Variants in CRACD observed in about 807,000 individuals in gnomAD.
CRACD encodes the protein capping protein inhibiting regulator of actin dynamics.
Under a neutral mutation model 106.8 loss-of-function variants are expected in CRACD, and 56 were observed. That is an observed-to-expected ratio of 0.52 (90% confidence interval 0.42 to 0.66). CRACD has a LOEUF of 0.66. Ranked by LOEUF, CRACD falls within the 30% of genes least tolerant of loss-of-function variation. The pLI is 0.00. For synonymous variants in CRACD, 754 were observed against 670.8 expected (o/e 1.12, Z -1.92); for missense variants, 1,730 against 1,623.2 (o/e 1.07, Z -1.13).
chr4:56,154,565 T>C (rs1735705135), intron 1 of CRACD, among the ~76,000 whole-genome samples: 1 of 152,152 alleles, frequency 6.6e-6, no homozygotes, highest in African/African-American at 2.4e-5. Context: ...GAAAACAGAA[T>C]CTGTGAGAAT....
intron 1 of CRACD, among the ~76,000 whole-genome samples, chr4:56,127,847 C>G (rs1663152338): frequency 1.3e-5 from 2 of 152,164 alleles, no homozygotes; most frequent in Admixed American, 1.3e-4. Flanking sequence ...TATGGAAAGC[C>G]TCATTAAATC....
chr4:56,079,053 A>G (rs1732936935), intron 1 of CRACD, among the ~76,000 whole-genome samples: 2 of 152,166 alleles, frequency 1.3e-5, no homozygotes, highest in Admixed American at 1.3e-4. Context: ...TGAGCAAGGG[A>G]TGTTCAGGAA....
At chr4:56,152,809 G>A (rs1202473353) in intron 1 of CRACD, among the ~76,000 whole-genome samples, 4 of 152,084 alleles carry the variant, frequency 2.6e-5, no homozygotes, top group Admixed American at 6.6e-5. Flanking sequence ...TTACTTTCTG[G>A]CACTGACATC....
At chr4:56,263,855 G>C (rs896631160) in intron 2 of CRACD, among the ~76,000 whole-genome samples, 1 of 152,114 alleles carries the variant, frequency 6.6e-6, no homozygotes, top group African/African-American at 2.4e-5. Flanking sequence ...AAGGACATAG[G>C]TCTTGAAGAA....
chr4:56,159,179 C>A (rs547640271), intron 1 of CRACD, among the ~76,000 whole-genome samples: 1 of 152,348 alleles, frequency 6.6e-6, no homozygotes, highest in East Asian at 1.9e-4. Context: ...CAGGGGAAAA[C>A]ATTCTAGCAC....
chr4:56,162,818 T>C (rs1176160066), intron 1 of CRACD, among the ~76,000 whole-genome samples: 1 of 152,152 alleles, frequency 6.6e-6, no homozygotes, highest in Non-Finnish European at 1.5e-5. Context: ...AAAATGTTGT[T>C]TAATTTGTTG....
intron 1 of CRACD, among the ~76,000 whole-genome samples, chr4:56,100,624 G>C (rs1376030238): frequency 6.6e-6 from 1 of 152,172 alleles, no homozygotes; most frequent in Non-Finnish European, 1.5e-5. Flanking sequence ...GTAATTAAGT[G>C]AAAGTGGGAT....
chr4:56,296,929 T>G (rs1246291264), intron 3 of CRACD, among the ~76,000 whole-genome samples: 1 of 151,210 alleles, frequency 6.6e-6, no homozygotes, highest in African/African-American at 2.4e-5. Flanking sequence ...TGTTTTTTTT[T>G]TTTTTTGAGA....
intron 4 of CRACD, among the ~76,000 whole-genome samples, chr4:56,302,220 T>C (rs1744408992): frequency 6.6e-6 from 1 of 152,192 alleles, no homozygotes; most frequent in Non-Finnish European, 1.5e-5. Context: ...ATGGAGCGGC[T>C]TCAGAAGCTT....
chr4:56,301,284 C>T lies in CRACD; in HGVS notation c.120+2935C>T, dbSNP rs116644572. The T allele has an allele frequency of 1.3e-3, 1,672 of 1,257,386 alleles. 18 individuals are homozygous for T. In the African/African-American group the frequency reaches 0.023, roughly 17 times the overall value. The allele number at this position is 1,257,386 out of a possible 1,614,324, so 77.9% of individuals were successfully genotyped here. A position where few individuals can be genotyped will look rare whatever the true frequency, so the allele number is the denominator to read the frequency against. ...AAGTGATAGTAACTTTATTAACTTG[C>T]ATGAATGCTTTGCATTTTTCCATGA... On this transcript the variant is annotated intron_variant, in intron 4 of 10. Transcript: ENST00000682029.
chr4:56,218,076 C>A (rs894836313), intron 2 of CRACD, among the ~76,000 whole-genome samples: 5 of 152,122 alleles, frequency 3.3e-5, no homozygotes, highest in African/African-American at 9.7e-5. Context: ...CCCAATTTCC[C>A]CTTTTTACAA....
chr4:56,204,931 G>T (rs1000368427), intron 2 of CRACD, among the ~76,000 whole-genome samples: 6 of 151,744 alleles, frequency 4.0e-5, no homozygotes, highest in Admixed American at 1.3e-4. Flanking sequence ...AGGCCGAGGC[G>T]GGAGGATCCT....
intron 2 of CRACD, among the ~76,000 whole-genome samples, chr4:56,210,631 A>G (rs538519774): frequency 6.6e-6 from 1 of 152,380 alleles, no homozygotes; most frequent in South Asian, 2.1e-4. Flanking sequence ...TTAGGTAAAC[A>G]TTAATCCATT....
At chr4:56,099,259 A>AC (rs750211755) in intron 1 of CRACD, among the ~76,000 whole-genome samples, 1 of 152,190 alleles carries the variant, frequency 6.6e-6, no homozygotes, top group Non-Finnish European at 1.5e-5. Flanking sequence ...TTATTCAGGT[A>AC]CAATTTTGGG....
intron 3 of CRACD, among the ~76,000 whole-genome samples, chr4:56,274,817 A>G (rs1742585347): frequency 6.6e-6 from 1 of 152,246 alleles, no homozygotes; most frequent in African/African-American, 2.4e-5. Flanking sequence ...TTTTACCATA[A>G]AGCCACACGC....
chr4:56,200,724 C>G (rs1320114121), intron 2 of CRACD, among the ~76,000 whole-genome samples: 1 of 152,124 alleles, frequency 6.6e-6, no homozygotes, highest in Non-Finnish European at 1.5e-5. Context: ...GTTTTAGGCT[C>G]ACAGCAAAAT....
At chr4:56,245,493 T>G (rs9992300) in intron 2 of CRACD, among the ~76,000 whole-genome samples, 31,447 of 152,202 alleles carry the variant, frequency 0.21, 3,688 homozygotes, top group Non-Finnish European at 0.26. Context: ...AAGCCTTTGG[T>G]ACGTTCAGTT....
chr4:56,325,628 C>T (rs1260225190), intron 10 of CRACD, among the ~76,000 whole-genome samples: 1 of 152,162 alleles, frequency 6.6e-6, no homozygotes, highest in Non-Finnish European at 1.5e-5. Flanking sequence ...AGAAAATATT[C>T]TTTATTTGGT....
In CRACD at chr4:56,256,764, C is replaced by G. The variant is rs57881091; in HGVS notation, c.-188-15557C>G. On this transcript the variant is annotated intron_variant, in intron 2 of 10. Transcript: ENST00000682029. ...TTATCTTCTTTCTCTCAGCCCATATCTGTGGAATGTAAACCAAAAATAAAA... is the reference window on the plus strand; with the variant it reads ...TTATCTTCTTTCTCTCAGCCCATATGTGTGGAATGTAAACCAAAAATAAAA... Among the ~76,000 whole-genome samples, 268 of 152,282 alleles carry G rather than the reference C, an allele frequency of 1.8e-3. 2 individuals carry two copies. The highest frequency in any genetic ancestry group is 6.1e-3 in the African/African-American group (255 of 41,570).
Sources: gnomAD v4.1 joint callset for allele counts (sites outside exome capture counted in the v4.1 genomes callset) on GRCh38, gnomAD v4.1.1 for gene constraint, MANE v1.5 for transcripts, NCBI Gene and HGNC (gene_info 2026-07-23, HGNC 2026-07-21) for gene names.